Variants in USP30 observed in about 807,000 individuals in gnomAD.
USP30 encodes ubiquitin specific peptidase 30.
Under a neutral mutation model 68.2 loss-of-function variants are expected in USP30, and 41 were observed. The observed-to-expected ratio is 0.60, with a 90% CI of 0.47 to 0.78. The LOEUF is 0.78. Ranked by LOEUF, USP30 falls within the 30% of genes least tolerant of loss-of-function variation. The pLI is 0.00. For missense variants in USP30, 522 were observed against 649.4 expected (o/e 0.80, Z 2.13); for synonymous variants, 229 against 253.7 (o/e 0.90, Z 0.93).
intron 7 of USP30, among the ~76,000 whole-genome samples, chr12:109,073,762 T>C (rs890472965): frequency 3.9e-5 from 6 of 152,322 alleles, no homozygotes; most frequent in African/African-American, 1.4e-4. Context: ...TGGCAGGCTC[T>C]TGAGTCCAGT....
chr12:109,073,406 A>G, intron 6 of USP30, 32 bp from the exon 7 acceptor site: 2 of 1,507,954 alleles, frequency 1.3e-6, no homozygotes, highest in African/African-American at 2.7e-5. Flanking sequence ...AAGGGCTAAA[A>G]GTGACATATC....
At position 109,070,502 on chromosome 12, in the gene USP30, T is replaced by C. The variant is rs577983594; in HGVS notation, c.481-1110T>C. On this transcript the variant is annotated intron_variant, in intron 4 of 12. Transcript: ENST00000257548. This position sits in a 1 kb window ranked among gnomAD's most constrained non-coding sequence, Gnocchi z 4.0. ...AGCAAAGAGGCCAGGGGCCGGGACATTGTGAATGTTGGGGGCTTTGTAGGC... is the reference window on the plus strand; with the variant it reads ...AGCAAAGAGGCCAGGGGCCGGGACACTGTGAATGTTGGGGGCTTTGTAGGC... Among the ~76,000 whole-genome samples the C allele has an allele frequency of 2.0e-5, 3 of 152,112 alleles. No homozygotes were observed. Among genetic ancestry groups the C allele is most frequent in the Non-Finnish European group, 2.9e-5 (2 of 68,002 alleles).
chr12:109,057,189 A>T (rs953104309), intron 2 of USP30, among the ~76,000 whole-genome samples: 2 of 152,120 alleles, frequency 1.3e-5, no homozygotes, highest in African/African-American at 4.8e-5. Flanking sequence ...ATTACTAAAA[A>T]ATTATTTTCT....
At chr12:109,077,827 G>T (rs554972051) in intron 7 of USP30, among the ~76,000 whole-genome samples, 16 of 151,914 alleles carry the variant, frequency 1.1e-4, no homozygotes, top group South Asian at 4.2e-4. Context: ...GTTTGTGTTG[G>T]GGGGGGAGGG....
intron 4 of USP30, among the ~76,000 whole-genome samples, chr12:109,071,371 G>A (rs2041435128): frequency 6.6e-6 from 1 of 152,240 alleles, no homozygotes; most frequent in Non-Finnish European, 1.5e-5. Context: ...CTCATAGACT[G>A]CTGGCGTGAA....
At chr12:109,051,249 CTTTTTTTT>C (rs138942249), upstream of USP30, among the ~76,000 whole-genome samples, 80 of 63,584 alleles carry the variant, frequency 1.3e-3, no homozygotes, top group East Asian at 6.6e-3. Context: ...TTACCTCTTG[CTTTTTTTT>C]TTTTTTTTTT....
intron 7 of USP30, among the ~76,000 whole-genome samples, chr12:109,078,087 T>G (rs2041665920): frequency 6.6e-6 from 1 of 152,146 alleles, no homozygotes. Context: ...ATACAGTAGT[T>G]CTGTTCTTAA....
intron 11 of USP30, 138 bp downstream of exon 11, chr12:109,083,200 A>C: frequency 1.2e-6 from 1 of 837,434 alleles, no homozygotes; most frequent in Non-Finnish European, 1.8e-6. Context: ...GAACAGCAGG[A>C]TTGGGGGTGG....
chr12:109,078,598 CAA>C (rs1184044024), intron 7 of USP30, among the ~76,000 whole-genome samples: 17 of 115,868 alleles, frequency 1.5e-4, no homozygotes, highest in Admixed American at 2.7e-4. Context: ...GACTCCATCT[CAA>C]AAAAAAAAAA....
intron 1 of USP30, among the ~76,000 whole-genome samples, chr12:109,023,554 C>CAATA (rs61588766): frequency 0.019 from 2,814 of 146,426 alleles, 92 homozygotes; most frequent in African/African-American, 0.061. Flanking sequence ...AACTCTGTCT[C>CAATA]AATAAATAAA....
At chr12:109,053,130 CCTT>C (rs2040724691) in intron 1 of USP30, among the ~76,000 whole-genome samples, 1 of 152,162 alleles carries the variant, frequency 6.6e-6, no homozygotes, top group South Asian at 2.1e-4. Context: ...TACCCCCAGT[CCTT>C]CTGGGTCCCC....
Position 109,082,034 on chromosome 12 carries a change from C to G in USP30, c.867+15C>G, listed in dbSNP as rs759726160. 6 of 1,613,660 alleles carry G rather than the reference C, an allele frequency of 3.7e-6. No homozygotes were observed. In the South Asian group the frequency reaches 6.6e-5, roughly 18 times the overall value. ...ACTGTACAAAGGTATGCATTGAACCCCAAATGTCATCGCCAGCTGGCCTGT... is the reference window on the plus strand; with the variant it reads ...ACTGTACAAAGGTATGCATTGAACCGCAAATGTCATCGCCAGCTGGCCTGT... On this transcript the variant is annotated intron_variant, in intron 9 of 12. Transcript: ENST00000257548.
intron 3 of USP30, among the ~76,000 whole-genome samples, chr12:109,028,300 T>C (rs1433916544): frequency 1.3e-5 from 2 of 152,118 alleles, no homozygotes; most frequent in East Asian, 3.8e-4. Context: ...ACTGGGTAAT[T>C]TATAAAGAAA....
At position 109,038,430 on chromosome 12, in the gene USP30, T is replaced by C. The variant is rs141896486; in HGVS notation, c.-135-9160T>C. Among the ~76,000 whole-genome samples the C allele has an allele frequency of 4.1e-3, 620 of 152,294 alleles. 6 individuals carry two copies. The highest frequency in any genetic ancestry group is 0.014 in the African/African-American group (602 of 41,562). On this transcript the variant is annotated intron_variant, in intron 3 of 15. Coordinates refer to the USP30 transcript ENST00000392784. ...TTGATGAGCATTTGGGTTGAATCCA[T>C]GTCATTGCTATTGTAAATAGCACAC... is the stretch of plus-strand genomic sequence containing the variant.
intron 1 of USP30, chr12:109,054,812 C>G (rs2040790572): frequency 6.6e-6 from 1 of 152,110 alleles, no homozygotes; most frequent in Admixed American, 6.5e-5. Context: ...CTTTCTTAAC[C>G]AAGTTTGGTG....
At chr12:109,042,579 T>A (rs1201858853) in intron 3 of USP30, among the ~76,000 whole-genome samples, 2 of 152,200 alleles carry the variant, frequency 1.3e-5, no homozygotes, top group Non-Finnish European at 2.9e-5. Context: ...GGGTATATAA[T>A]AATTTTGCTG....
chr12:109,037,882 G>C (rs1426172510), intron 3 of USP30, among the ~76,000 whole-genome samples: 1 of 152,132 alleles, frequency 6.6e-6, no homozygotes, highest in Non-Finnish European at 1.5e-5. Flanking sequence ...TGAGAACTTA[G>C]GGCCTTCTCA....
At chr12:109,027,911 TAGG>T (rs2040456066) in intron 3 of USP30, among the ~76,000 whole-genome samples, 1 of 152,320 alleles carries the variant, frequency 6.6e-6, no homozygotes, top group South Asian at 2.1e-4. Context: ...AGTATATAAA[TAGG>T]AGAAGAGTTG....
At chr12:109,068,163 G>T (rs1024268707) in intron 4 of USP30, among the ~76,000 whole-genome samples, 2 of 152,006 alleles carry the variant, frequency 1.3e-5, no homozygotes, top group Non-Finnish European at 2.9e-5. Flanking sequence ...CCTCCTCCCC[G>T]CCAGACCGCT....
Sources: gnomAD v4.1 joint callset for allele counts (sites outside exome capture counted in the v4.1 genomes callset) on GRCh38, gnomAD v4.1.1 for gene constraint, Gnocchi (gnomAD v3.1) non-coding constraint, MANE v1.5 for transcripts, NCBI Gene and HGNC (gene_info 2026-07-23, HGNC 2026-07-21) for gene names.